The following PEPD variants were observed in gnomAD, a reference collection of about 807,000 sequenced individuals.
The protein encoded by PEPD is peptidase D, also known as xaa-Pro dipeptidase.
In PEPD, 53 loss-of-function variants were observed where a neutral mutation model predicts 60.7. That is an observed-to-expected ratio of 0.87 (90% CI 0.70 to 1.10). The LOEUF (loss-of-function observed/expected upper bound fraction) is 1.10, where lower values mean the gene tolerates loss of function less well. PEPD is among the 50% of genes least tolerant of loss of function. The pLI, the probability that PEPD is intolerant of heterozygous loss-of-function variation, is 0.00. For missense variants in PEPD, 711 were observed against 711.9 expected, an observed-to-expected ratio of 1.00 and a Z score of 0.01; for synonymous variants, 267 against 284.1, an observed-to-expected ratio of 0.94 and a Z score of 0.60.
At position 33,411,677 on chromosome 19, in the gene PEPD, AT is replaced by A; in HGVS notation, c.812del (p.Asp271ValfsTer50). 6.3e-7 allele frequency: 1 copy of A among 1,594,918 alleles called. No homozygotes were observed. Among genetic ancestry groups the A allele is most frequent in the Non-Finnish European group, 8.6e-7 (1 of 1,163,012 alleles). On this transcript the variant is annotated frameshift_variant, in exon 11 of 15. Transcript: ENST00000244137. LOFTEE classifies it high-confidence loss of function. ...APNDRTIQNG[D>X]MCLFDMGGEY... ...GGGCCGCTGGCCCTACTTACCACAT[AT>A]CCCCATTCTGGATCGTTCGGTCGTT...
Position 33,411,653 on chromosome 19 carries a change from G to C in PEPD, c.818+19C>G, listed in dbSNP as rs1298905708. On this transcript the variant is annotated intron_variant, in intron 11 of 14. Coordinates refer to ENST00000244137, the MANE Select transcript of PEPD (RefSeq NM_000285.4). ...CCTGGCTGTTCACACACAGAGCCAG[G>C]GCCGCTGGCCCTACTTACCACATAT... The C allele has an allele frequency of 3.4e-6, 5 of 1,481,606 alleles. No homozygotes were observed. Among genetic ancestry groups the C allele is most frequent in the Admixed American group, 1.7e-5 (1 of 59,698 alleles). 91.8% of individuals were successfully genotyped at this position (1,481,606 alleles called of 1,614,324 possible). A position where few individuals can be genotyped will look rare whatever the true frequency, so the allele number is the denominator to read the frequency against.
At chr19:33,508,035 TTGGAAACCCC>T (rs910789200) in intron 3 of PEPD, among the ~76,000 whole-genome samples, 1 of 151,920 alleles carries the variant, frequency 6.6e-6, no homozygotes, top group African/African-American at 2.4e-5. Flanking sequence ...GAGACCCCTG[TTGGAAACCCC>T]TGGAAACCCC....
At chr19:33,396,786 G>A (rs1001841253) in intron 12 of PEPD, among the ~76,000 whole-genome samples, 3 of 152,124 alleles carry the variant, frequency 2.0e-5, no homozygotes, top group Admixed American at 6.5e-5. Flanking sequence ...TGCAGGCGGA[G>A]GGCATGGGGC....
intron 12 of PEPD, among the ~76,000 whole-genome samples, chr19:33,392,956 G>A (rs939135858): frequency 5.3e-5 from 8 of 152,186 alleles, no homozygotes; most frequent in Non-Finnish European, 7.3e-5. Flanking sequence ...GGTCTCAGGC[G>A]GGCTGGGGGT....
In PEPD at chr19:33,432,917, G is replaced by T. The variant is rs79610120; in HGVS notation, c.672-19274C>A. On this transcript the variant is annotated intron_variant, in intron 9 of 14. Coordinates refer to ENST00000244137, the MANE Select transcript of PEPD (RefSeq NM_000285.4). ...CTGGGTCACATGCACACGCCTTCCA[G>T]AGGCACCTCGGCCTCCTCGGCTATA... Among the ~76,000 whole-genome samples, 1,459 of 152,354 alleles carry T rather than the reference G, an allele frequency of 9.6e-3. 11 individuals are homozygous for T. Among genetic ancestry groups the T allele is most frequent in the Non-Finnish European group, 0.015 (1,040 of 68,032 alleles).
At chr19:33,507,272 C>A (rs779097092) in intron 3 of PEPD, among the ~76,000 whole-genome samples, 1 of 152,144 alleles carries the variant, frequency 6.6e-6, no homozygotes, top group Non-Finnish European at 1.5e-5. Flanking sequence ...CGCTGACTCA[C>A]AGAGGCCCAC....
intron 12 of PEPD, among the ~76,000 whole-genome samples, chr19:33,392,342 C>G (rs10853926): frequency 6.6e-6 from 1 of 152,138 alleles, no homozygotes; most frequent in Non-Finnish European, 1.5e-5. Context: ...CAGCAGCCCA[C>G]GGGTGCGCCC....
intron 9 of PEPD, among the ~76,000 whole-genome samples, chr19:33,426,985 T>C (rs563423118): frequency 7.9e-4 from 121 of 152,366 alleles, no homozygotes; most frequent in Non-Finnish European, 1.4e-3. Context: ...CTGTGTTTTA[T>C]GGCAGCGAAC....
At chr19:33,509,120 T>C (rs1970871917) in intron 3 of PEPD, among the ~76,000 whole-genome samples, 1 of 152,164 alleles carries the variant, frequency 6.6e-6, no homozygotes, top group African/African-American at 2.4e-5. Flanking sequence ...AGCCATCTCC[T>C]CTTTTGTAAC....
chr19:33,436,208 AGAAGAG>A (rs1189489179), intron 9 of PEPD, among the ~76,000 whole-genome samples: 16 of 151,136 alleles, frequency 1.1e-4, no homozygotes, highest in African/African-American at 3.9e-4. Context: ...AAGAGGAAAG[AGAAGAG>A]GGAGAGGGAG....
At chr19:33,502,952 C>CTG (rs773265664) in intron 3 of PEPD, among the ~76,000 whole-genome samples, 1 of 77,418 alleles carries the variant, frequency 1.3e-5, no homozygotes, top group African/African-American at 4.9e-5. Context: ...AACTGGGGGG[C>CTG]GGGGGGGGGT....
intron 11 of PEPD, among the ~76,000 whole-genome samples, chr19:33,404,473 A>T (rs1044703869): frequency 6.6e-5 from 10 of 152,134 alleles, no homozygotes; most frequent in African/African-American, 2.4e-4. Context: ...CAACAACAAC[A>T]ACAACCAGGA....
chr19:33,444,051 G>A lies in PEPD; in HGVS notation c.671+18944C>T, dbSNP rs1022525448. Among the ~76,000 whole-genome samples, 4 of 152,156 alleles carry A rather than the reference G, an allele frequency of 2.6e-5. 1 individual carries two copies. The highest frequency in any genetic ancestry group is 4.1e-4 in the South Asian group (2 of 4,824). On this transcript the variant is annotated intron_variant, in intron 9 of 14. Transcript: ENST00000244137. ...TGTGTAATGGGTGTATATATCACACGCACTTACGTTCGTACATGGGTGCGC... is the reference window on the plus strand; with the variant it reads ...TGTGTAATGGGTGTATATATCACACACACTTACGTTCGTACATGGGTGCGC...
chr19:33,414,063 C>T (rs1160555410), intron 9 of PEPD, among the ~76,000 whole-genome samples: 1 of 152,192 alleles, frequency 6.6e-6, no homozygotes, highest in Non-Finnish European at 1.5e-5. Flanking sequence ...CCAGAGGCCA[C>T]CACCCACCCT....
chr19:33,416,744 T>C (rs962547473), intron 9 of PEPD, among the ~76,000 whole-genome samples: 1 of 152,160 alleles, frequency 6.6e-6, no homozygotes, highest in African/African-American at 2.4e-5. Flanking sequence ...CACCTATAAA[T>C]TTCTCCCAGG....
chr19:33,519,763 C>T (rs943166314), intron 1 of PEPD, among the ~76,000 whole-genome samples: 7 of 152,154 alleles, frequency 4.6e-5, no homozygotes, highest in Non-Finnish European at 1.0e-4. Context: ...ATCGGTTCTG[C>T]TAGAAAAGCT....
chr19:33,440,752 T>C (rs1270981343), intron 9 of PEPD, among the ~76,000 whole-genome samples: 2 of 152,238 alleles, frequency 1.3e-5, no homozygotes, highest in African/African-American at 4.8e-5. Flanking sequence ...GTATTTTACT[T>C]CTTTATTTGA....
chr19:33,462,191 C>A (rs1160194391), intron 9 of PEPD, among the ~76,000 whole-genome samples: 1 of 152,188 alleles, frequency 6.6e-6, no homozygotes, highest in Non-Finnish European at 1.5e-5. Flanking sequence ...GGACTTGGGC[C>A]CTGCAAGGGG....
chr19:33,429,973 T>C (rs569185286), intron 9 of PEPD, among the ~76,000 whole-genome samples: 1 of 152,346 alleles, frequency 6.6e-6, no homozygotes, highest in East Asian at 1.9e-4. Context: ...ACACAATTAA[T>C]CTTGAGGCCT....
Sources: gnomAD v4.1 joint callset for allele counts (sites outside exome capture counted in the v4.1 genomes callset) on GRCh38, gnomAD v4.1.1 for gene constraint, MANE v1.5 for transcripts, NCBI Gene and HGNC (gene_info 2026-07-23, HGNC 2026-07-21) for gene names.